The following KALRN variants were observed in gnomAD, a reference collection of about 807,000 sequenced individuals.
KALRN encodes the protein kalirin RhoGEF kinase.
In KALRN, 70 loss-of-function variants were observed where a neutral mutation model predicts 353.7. The ratio of observed to expected loss-of-function variants is 0.20; its 90% CI spans 0.16 to 0.24. The LOEUF (loss-of-function observed/expected upper bound fraction) is 0.24, where lower values mean the gene tolerates loss of function less well. KALRN is among the 10% of genes least tolerant of loss of function. The probability of loss-of-function intolerance (pLI) is 1.00; values close to 1 mark genes in which losing one functional copy is unlikely to be tolerated. For synonymous variants in KALRN, 1,391 were observed against 1,434.8 expected (o/e 0.97, Z 0.69); for missense variants, 2,791 against 3,756.7 (o/e 0.74, Z 6.72).
intron 25 of KALRN, among the ~76,000 whole-genome samples, chr3:124,470,146 T>C (rs1310207085): frequency 6.6e-6 from 1 of 152,220 alleles, no homozygotes; most frequent in African/African-American, 2.4e-5. Flanking sequence ...TCTTGACATT[T>C]CTTTAAAAGT....
At chr3:124,363,627 A>G (rs776821632) in intron 10 of KALRN, among the ~76,000 whole-genome samples, 9 of 152,248 alleles carry the variant, frequency 5.9e-5, no homozygotes, top group Non-Finnish European at 8.8e-5. Context: ...GAAGAAAGAT[A>G]TAGAAGAGAT....
At chr3:124,680,834 TG>T (rs2087703273) in intron 51 of KALRN, among the ~76,000 whole-genome samples, 1 of 152,280 alleles carries the variant, frequency 6.6e-6, no homozygotes, top group Middle Eastern at 3.4e-3. Flanking sequence ...TACCCCACTG[TG>T]GGAGAAAGTG....
chr3:124,242,380 T>C (rs1298269936), intron 3 of KALRN, among the ~76,000 whole-genome samples: 5 of 152,258 alleles, frequency 3.3e-5, no homozygotes, highest in African/African-American at 1.2e-4. Flanking sequence ...AGTACTTGCC[T>C]ACTGGCACAC....
At chr3:124,547,316 A>G (rs1329602919) in intron 33 of KALRN, among the ~76,000 whole-genome samples, 2 of 150,218 alleles carry the variant, frequency 1.3e-5, no homozygotes, top group Non-Finnish European at 3.0e-5. Flanking sequence ...ATTTTTATTT[A>G]TTTAGTATTT....
At chr3:124,691,320 C>G (rs960182033) in intron 51 of KALRN, among the ~76,000 whole-genome samples, 1 of 152,040 alleles carries the variant, frequency 6.6e-6, no homozygotes, top group Non-Finnish European at 1.5e-5. Context: ...CCCAGCTACT[C>G]GGGAGGCTGA....
chr3:124,070,571 C>T (rs2059970588), intron 1 of KALRN, among the ~76,000 whole-genome samples: 6 of 152,228 alleles, frequency 3.9e-5, no homozygotes, highest in Admixed American at 3.9e-4. Context: ...GACTTGTCAT[C>T]ACAAACCCAC....
In KALRN at chr3:124,678,174, T is replaced by C. The variant is rs757532917; in HGVS notation, c.7194-16T>C. On this transcript the variant is annotated splice_polypyrimidine_tract_variant and intron_variant, in intron 49 of 59. Coordinates refer to ENST00000682506, the MANE Select transcript of KALRN (RefSeq NM_001388419.1). ...CTGACCTGCCATTTTGATTGGTGCA[T>C]TTTTTGGTACAACAGGAAGTCATGT... The C allele has an allele frequency of 6.2e-7, 1 of 1,610,154 alleles. No individual in the cohort carries two copies. The highest frequency in any genetic ancestry group is 8.5e-7 in the Non-Finnish European group (1 of 1,177,610).
At chr3:124,069,823 G>A (rs552337111) in intron 1 of KALRN, among the ~76,000 whole-genome samples, 1 of 152,276 alleles carries the variant, frequency 6.6e-6, no homozygotes, top group Middle Eastern at 3.4e-3. Flanking sequence ...GGGGGAGTTA[G>A]GGAATGGTTT....
intron 1 of KALRN, among the ~76,000 whole-genome samples, chr3:124,199,770 G>A (rs1305542353): frequency 1.3e-5 from 2 of 152,204 alleles, no homozygotes; most frequent in Non-Finnish European, 2.9e-5. Context: ...ATGGGTAATT[G>A]TAGAAGCTTT....
intron 1 of KALRN, among the ~76,000 whole-genome samples, chr3:124,116,662 C>A (rs1280643805): frequency 6.6e-6 from 1 of 152,134 alleles, no homozygotes; most frequent in African/African-American, 2.4e-5. Flanking sequence ...AGTACTGAAT[C>A]CTAAATATAC....
intron 46 of KALRN, 84 bp downstream of exon 46, chr3:124,666,718 G>A (rs1252910749): frequency 5.4e-6 from 6 of 1,110,844 alleles, no homozygotes; most frequent in Non-Finnish European, 8.0e-6. Flanking sequence ...CCCTGGAGTT[G>A]TGACATCCAG....
intron 1 of KALRN, among the ~76,000 whole-genome samples, chr3:124,071,511 T>C (rs1045759065): frequency 1.3e-5 from 2 of 152,202 alleles, no homozygotes; most frequent in Non-Finnish European, 2.9e-5. Flanking sequence ...TCTGTGCTTC[T>C]ATAACAAAAT....
At chr3:124,564,342 C>T (rs907162187) in intron 34 of KALRN, among the ~76,000 whole-genome samples, 28 of 151,928 alleles carry the variant, frequency 1.8e-4, no homozygotes, top group Non-Finnish European at 2.8e-4. Context: ...ATGATTGCAT[C>T]GCTGCGCTCC....
At chr3:124,559,065 C>T (rs1012239773) in intron 33 of KALRN, among the ~76,000 whole-genome samples, 5 of 152,178 alleles carry the variant, frequency 3.3e-5, no homozygotes, top group Admixed American at 2.6e-4. Context: ...TTCTGGTGAA[C>T]GTGAGAACTT....
chr3:124,560,972 C>A (rs1009711954), intron 33 of KALRN, among the ~76,000 whole-genome samples: 7 of 152,220 alleles, frequency 4.6e-5, no homozygotes, highest in Admixed American at 1.3e-4. Flanking sequence ...GCTAGGGAAT[C>A]TCCATTTTAT....
chr3:124,355,299 A>G (rs994533973), intron 10 of KALRN, among the ~76,000 whole-genome samples: 1 of 152,232 alleles, frequency 6.6e-6, no homozygotes, highest in African/African-American at 2.4e-5. Flanking sequence ...CAGAGAAATA[A>G]TAATTATACT....
chr3:124,038,048 G>A (rs2039598759), intron 1 of KALRN, among the ~76,000 whole-genome samples: 1 of 152,192 alleles, frequency 6.6e-6, no homozygotes, highest in African/African-American at 2.4e-5. Flanking sequence ...GGATGCAGCC[G>A]AAGCTTTGTG....
intron 25 of KALRN, among the ~76,000 whole-genome samples, chr3:124,471,583 T>C (rs192791775): frequency 1.3e-5 from 2 of 152,174 alleles, no homozygotes; most frequent in Admixed American, 1.3e-4. Context: ...GGAAGACCCT[T>C]TCACAACTGT....
At chr3:124,218,672 G>C (rs1182224746) in intron 1 of KALRN, among the ~76,000 whole-genome samples, 1 of 152,198 alleles carries the variant, frequency 6.6e-6, no homozygotes, top group Non-Finnish European at 1.5e-5. Flanking sequence ...CCATTTTCTT[G>C]TGTCTGTGCT....
Sources: allele counts gnomAD v4.1 joint callset (sites outside exome capture counted in the v4.1 genomes callset), GRCh38; gene constraint gnomAD v4.1.1; transcripts MANE v1.5; gene names NCBI Gene and HGNC (gene_info 2026-07-23, HGNC 2026-07-21).